The following GRM7 variants were observed in gnomAD, a reference collection of about 807,000 sequenced individuals.
The protein encoded by GRM7 is metabotropic glutamate receptor 7.
Under a neutral mutation model 84.5 loss-of-function variants are expected in GRM7, and 35 were observed. The ratio of observed to expected loss-of-function variants is 0.41; its 90% confidence interval spans 0.32 to 0.55. The LOEUF (loss-of-function observed/expected upper bound fraction) is 0.55, where lower values mean the gene tolerates loss of function less well. GRM7 is among the 20% of genes least tolerant of loss of function. The pLI, the probability that GRM7 is intolerant of heterozygous loss-of-function variation, is 0.19. For synonymous variants in GRM7, 487 were observed against 455.1 expected (o/e 1.07, Z -0.89); for missense variants, 1,003 against 1,194.6 (o/e 0.84, Z 2.36).
intron 2 of GRM7, among the ~76,000 whole-genome samples, chr3:7,199,513 A>G (rs1310504578): frequency 2.0e-5 from 3 of 152,264 alleles, no homozygotes; most frequent in Non-Finnish European, 4.4e-5. Flanking sequence ...CAATCACTGC[A>G]GCAGTTGTCT....
chr3:7,693,814 T>A, intron 9 of GRM7: 1 of 569,246 alleles, frequency 1.8e-6, no homozygotes, highest in Non-Finnish European at 3.2e-6. Context: ...GTAGTTCTCA[T>A]CACATGCCAG....
In GRM7 at chr3:6,900,851, G is replaced by A. The variant is rs570539705; in HGVS notation, c.519+38944G>A. Among the ~76,000 whole-genome samples, 6 of 152,242 alleles carry A rather than the reference G, an allele frequency of 3.9e-5. No homozygotes were observed. The East Asian group carries it at 5.8e-4, about 15-fold the overall frequency. On this transcript the variant is annotated intron_variant, in intron 1 of 9. Coordinates refer to ENST00000357716, the MANE Select transcript of GRM7 (RefSeq NM_000844.4). ...TAGGTATTATTGTTTAACACACCAC[G>A]ACCTAGCCCTGCAAGCACCAGGCTG... is the stretch of plus-strand genomic sequence containing the variant.
chr3:6,957,254 G>A (rs1271778643), intron 1 of GRM7, among the ~76,000 whole-genome samples: 1 of 152,158 alleles, frequency 6.6e-6, no homozygotes, highest in African/African-American at 2.4e-5. Context: ...CTCTGTTGAA[G>A]GAATTTCTCC....
At chr3:7,023,222 C>G (rs900166324) in intron 1 of GRM7, among the ~76,000 whole-genome samples, 1 of 152,110 alleles carries the variant, frequency 6.6e-6, no homozygotes, top group Non-Finnish European at 1.5e-5. Context: ...AGTTATTGAT[C>G]TTTCCTAGTT....
intron 4 of GRM7, among the ~76,000 whole-genome samples, chr3:7,349,443 G>T (rs1693035886): frequency 6.6e-6 from 1 of 152,146 alleles, no homozygotes; most frequent in Non-Finnish European, 1.5e-5. Flanking sequence ...TTTGGAATTT[G>T]TCTTCTCCAC....
At chr3:7,054,316 T>A (rs1697131332) in intron 1 of GRM7, among the ~76,000 whole-genome samples, 1 of 149,364 alleles carries the variant, frequency 6.7e-6, no homozygotes, top group Non-Finnish European at 1.5e-5. Context: ...ATATCTTTTA[T>A]GATATATATG....
intron 9 of GRM7, among the ~76,000 whole-genome samples, chr3:7,737,843 A>ATTT (rs35087158): frequency 2.2e-5 from 3 of 134,468 alleles, no homozygotes; most frequent in Non-Finnish European, 1.6e-5. Context: ...TATTCTCCCA[A>ATTT]TTTTTTTTTT....
chr3:7,237,245 T>C (rs1240484359), intron 2 of GRM7, among the ~76,000 whole-genome samples: 1 of 152,222 alleles, frequency 6.6e-6, no homozygotes, highest in African/African-American at 2.4e-5. Flanking sequence ...TCCTTTCTGA[T>C]GTTGAATTTC....
intron 7 of GRM7, among the ~76,000 whole-genome samples, chr3:7,498,554 G>C (rs1294508711): frequency 6.6e-6 from 1 of 152,146 alleles, no homozygotes; most frequent in Non-Finnish European, 1.5e-5. Context: ...TCCGGATTCT[G>C]GTATTTCACA....
At chr3:7,333,591 A>C (rs918901226) in intron 4 of GRM7, among the ~76,000 whole-genome samples, 1 of 152,184 alleles carries the variant, frequency 6.6e-6, no homozygotes, top group Non-Finnish European at 1.5e-5. Flanking sequence ...AGATCACACT[A>C]GCTCTCCAGC....
At chr3:7,024,122 AC>A in intron 1 of GRM7, among the ~76,000 whole-genome samples, 1 of 151,714 alleles carries the variant, frequency 6.6e-6, no homozygotes, top group Non-Finnish European at 1.5e-5. Flanking sequence ...GGGAAATCTT[AC>A]CTCCCCCCTT....
intron 1 of GRM7, among the ~76,000 whole-genome samples, chr3:6,963,712 G>A (rs183789311): frequency 7.0e-4 from 106 of 152,244 alleles, no homozygotes; most frequent in Non-Finnish European, 1.2e-3. Context: ...ATGAATGTGG[G>A]TCATAGTTTA....
chr3:7,326,390 G>A (rs1473639942), intron 4 of GRM7, among the ~76,000 whole-genome samples: 2 of 152,110 alleles, frequency 1.3e-5, no homozygotes, highest in Non-Finnish European at 2.9e-5. Flanking sequence ...GCATTACATA[G>A]CAAGTGATTA....
chr3:7,399,924 G>T (rs941167244), intron 4 of GRM7, among the ~76,000 whole-genome samples: 1 of 152,072 alleles, frequency 6.6e-6, no homozygotes, highest in African/African-American at 2.4e-5. Flanking sequence ...TATCACTTGC[G>T]CAGCCTCAGG....
intron 8 of GRM7, chr3:7,636,124 G>A (rs1226013752): frequency 2.4e-6 from 1 of 423,266 alleles, no homozygotes; most frequent in African/African-American, 2.0e-5. Flanking sequence ...TCTACCTAGA[G>A]GTTGTTCATT....
At chr3:7,492,486 G>A (rs1313613024) in intron 7 of GRM7, among the ~76,000 whole-genome samples, 1 of 152,048 alleles carries the variant, frequency 6.6e-6, no homozygotes. Context: ...CTGTATTTAT[G>A]AGAATGAAGC....
At chr3:6,958,221 T>C (rs1433651567) in intron 1 of GRM7, among the ~76,000 whole-genome samples, 1 of 137,748 alleles carries the variant, frequency 7.3e-6, no homozygotes, top group Non-Finnish European at 1.5e-5. Flanking sequence ...CCTAGAATTT[T>C]ATAAAAATGG....
intron 2 of GRM7, among the ~76,000 whole-genome samples, chr3:7,293,716 T>C (rs2125014374): frequency 6.6e-6 from 1 of 152,350 alleles, no homozygotes; most frequent in South Asian, 2.1e-4. Flanking sequence ...ACCAGGTATG[T>C]GTGTGTCTGT....
chr3:7,504,801 C>T (rs1699990917), intron 7 of GRM7, among the ~76,000 whole-genome samples: 1 of 152,142 alleles, frequency 6.6e-6, no homozygotes, highest in Non-Finnish European at 1.5e-5. Context: ...ACATTTTAGC[C>T]ATAGCATTCT....
Sources: allele counts gnomAD v4.1 joint callset (sites outside exome capture counted in the v4.1 genomes callset), GRCh38; gene constraint gnomAD v4.1.1; transcripts MANE v1.5; gene names NCBI Gene and HGNC (gene_info 2026-07-23, HGNC 2026-07-21).